The following FRMPD4 variants were observed in gnomAD, a reference collection of about 807,000 sequenced individuals.
FRMPD4 encodes the protein FERM and PDZ domain-containing protein 4.
Under a neutral mutation model 94.1 loss-of-function variants are expected in FRMPD4, and 22 were observed. The ratio of observed to expected loss-of-function variants is 0.23; its 90% CI spans 0.17 to 0.33. FRMPD4 has a LOEUF of 0.33. Among genes scored for constraint, FRMPD4 ranks in the 10% least tolerant of loss-of-function variants. The pLI is 1.00. For missense variants in FRMPD4, 1,111 were observed against 1,339.9 expected (o/e 0.83, Z 2.67); for synonymous variants, 631 against 548.6 (o/e 1.15, Z -2.10).
chrX:12,121,824 G>A (rs771299428), intron 3 of FRMPD4, among the ~76,000 whole-genome samples: 10 of 111,633 alleles, frequency 9.0e-5, no homozygotes, highest in African/African-American at 2.9e-4. Flanking sequence ...TTAGGCTGCA[G>A]GAAGGGTCCT....
At chrX:12,698,310 G>T in intron 9 of FRMPD4, among the ~76,000 whole-genome samples, 1 of 111,589 alleles carries the variant, frequency 9.0e-6, no homozygotes, top group Middle Eastern at 4.6e-3. Flanking sequence ...AGTCCAGATT[G>T]TTCAAATTTA....
At chrX:12,053,447 A>G (rs187294100) in intron 3 of FRMPD4, among the ~76,000 whole-genome samples, 27 of 107,195 alleles carry the variant, frequency 2.5e-4, no homozygotes, top group African/African-American at 8.9e-4. Flanking sequence ...AAAGAAGAGA[A>G]GAGAAGAGAG....
intron 1 of FRMPD4, among the ~76,000 whole-genome samples, chrX:12,377,243 G>T (rs1371030947): frequency 8.9e-6 from 1 of 112,198 alleles, no homozygotes; most frequent in Non-Finnish European, 1.9e-5. Flanking sequence ...AATCAAAACA[G>T]TGTTGTCTTT....
intron 3 of FRMPD4, among the ~76,000 whole-genome samples, chrX:11,931,952 T>C (rs1378371190): frequency 8.9e-6 from 1 of 112,149 alleles, no homozygotes; most frequent in Non-Finnish European, 1.9e-5. Context: ...AGCTAAGATA[T>C]AGTACTGAAC....
intron 3 of FRMPD4, among the ~76,000 whole-genome samples, chrX:11,942,015 G>A (rs1039202460): frequency 2.7e-5 from 3 of 111,953 alleles, no homozygotes; most frequent in Non-Finnish European, 5.6e-5. Context: ...TTTAAAGATA[G>A]ACAAAGGTTA....
In FRMPD4 at chrX:12,721,514, G is replaced by C; in HGVS notation, c.4945G>C (p.Glu1649Gln). 1.3e-6 allele frequency: 1 copy of C among 755,015 alleles called. No individual in the cohort carries two copies. The highest frequency in any genetic ancestry group is 1.6e-6 in the Non-Finnish European group (1 of 638,528). The allele number at this position is 755,015 out of a possible 1,213,427, so 62.2% of individuals were successfully genotyped here. A position where few individuals can be genotyped will look rare whatever the true frequency, so the allele number is the denominator to read the frequency against. ...TCAGTACAAGCAACTGTTATCCATTGAGTCCAGACAGTTGGGAAGTGCCTG... is the reference window on the plus strand; with the variant it reads ...TCAGTACAAGCAACTGTTATCCATTCAGTCCAGACAGTTGGGAAGTGCCTG... The part of the protein sequence containing the change: ...LSQYKQLLSI[E>Q]SRQLGSACRK... Residue 1649 changes from glutamate (E) to glutamine (Q), a missense_variant, in exon 17 of 17, where the codon GAG (glutamate) becomes CAG (glutamine). Physicochemically the swap from Glu to Gln is conservative, Grantham distance 29. Transcript: ENST00000675598.
chrX:12,090,253 T>C (rs1020571811), intron 3 of FRMPD4, among the ~76,000 whole-genome samples: 6 of 109,381 alleles, frequency 5.5e-5, no homozygotes, highest in African/African-American at 2.0e-4. Context: ...GTTCTTATGA[T>C]ATCTGGTCTT....
chrX:12,661,297 T>C (rs981217813), intron 4 of FRMPD4, among the ~76,000 whole-genome samples: 1 of 112,521 alleles, frequency 8.9e-6, no homozygotes, highest in African/African-American at 3.2e-5. Flanking sequence ...ATGAAGTCTT[T>C]AATACATTGC....
intron 3 of FRMPD4, among the ~76,000 whole-genome samples, chrX:11,921,026 C>A (rs2054052899): frequency 1.8e-5 from 2 of 112,002 alleles, no homozygotes; most frequent in East Asian, 2.8e-4. Context: ...GTTTAATTGC[C>A]CCCAATTGTT....
intron 13 of FRMPD4, among the ~76,000 whole-genome samples, chrX:12,710,065 T>G (rs751971682): frequency 8.1e-5 from 9 of 110,853 alleles, no homozygotes; most frequent in Non-Finnish European, 1.7e-4. Context: ...GAGGTGGAGG[T>G]TGCAGTGAGC....
At chrX:12,292,970 AT>A (rs57824346) in intron 1 of FRMPD4, among the ~76,000 whole-genome samples, 4,752 of 102,518 alleles carry the variant, frequency 0.046, 90 homozygotes, top group Middle Eastern at 0.067. Context: ...TAGAATATGG[AT>A]TTTTTTTTTT....
intron 3 of FRMPD4, among the ~76,000 whole-genome samples, chrX:12,071,767 G>C (rs952595503): frequency 9.0e-6 from 1 of 111,093 alleles, no homozygotes; most frequent in African/African-American, 3.3e-5. Flanking sequence ...CTTTTACAGG[G>C]TGGTGAAAAC....
chrX:12,004,946 A>G (rs769576256), intron 3 of FRMPD4, among the ~76,000 whole-genome samples: 126 of 111,695 alleles, frequency 1.1e-3, no homozygotes, highest in African/African-American at 3.7e-3. Context: ...AGAATAGACC[A>G]TCAGTGATTT....
At chrX:12,237,656 C>T (rs183775216) in intron 1 of FRMPD4, among the ~76,000 whole-genome samples, 97 of 111,654 alleles carry the variant, frequency 8.7e-4, no homozygotes, top group African/African-American at 3.1e-3. Flanking sequence ...GATATTTGAT[C>T]CAAAGATTTT....
intron 3 of FRMPD4, among the ~76,000 whole-genome samples, chrX:12,014,463 G>A (rs1936168856): frequency 8.9e-6 from 1 of 111,942 alleles, no homozygotes; most frequent in African/African-American, 3.2e-5. Flanking sequence ...GGGTCTGGAA[G>A]CTCACTTCTG....
upstream of FRMPD4, chrX:12,138,342 T>C (rs1429255503): frequency 8.8e-6 from 1 of 113,382 alleles, no homozygotes; most frequent in Non-Finnish European, 1.8e-5. Context: ...CAGTGTGCCA[T>C]AGACTGTTAG....
At chrX:12,086,891 G>C (rs1337877198) in intron 3 of FRMPD4, among the ~76,000 whole-genome samples, 1 of 111,180 alleles carries the variant, frequency 9.0e-6, no homozygotes, top group Non-Finnish European at 1.9e-5. Context: ...CTGGTTGTAG[G>C]CAGAACTGTT....
chrX:12,435,233 A>G (rs1012973797), intron 1 of FRMPD4, among the ~76,000 whole-genome samples: 1 of 111,650 alleles, frequency 9.0e-6, no homozygotes, highest in Non-Finnish European at 1.9e-5. Flanking sequence ...TAGAGTCTTA[A>G]TGATTGTTAT....
chrX:12,231,019 GTATATATATAGTATA>G (rs2056990751), intron 1 of FRMPD4, among the ~76,000 whole-genome samples: 1 of 25,379 alleles, frequency 3.9e-5, no homozygotes, highest in Non-Finnish European at 8.0e-5. Flanking sequence ...AGTATATATA[GTATATATATAGTATA>G]TATATATATA....
Sources: allele counts gnomAD v4.1 joint callset (sites outside exome capture counted in the v4.1 genomes callset), GRCh38; gene constraint gnomAD v4.1.1; transcripts MANE v1.5; gene names NCBI Gene and HGNC (gene_info 2026-07-23, HGNC 2026-07-21).